Variants in GRIN2B observed in about 807,000 individuals in gnomAD.
The protein encoded by GRIN2B is glutamate ionotropic receptor NMDA type subunit 2B.
In GRIN2B, 5 loss-of-function variants were observed where a neutral mutation model predicts 114.5. The observed-to-expected ratio is 0.04, with a 90% CI of 0.02 to 0.09. The LOEUF (loss-of-function observed/expected upper bound fraction) is 0.09, where lower values mean the gene tolerates loss of function less well. Ranked by LOEUF, GRIN2B falls within the 10% of genes least tolerant of loss-of-function variation. The pLI, the probability that GRIN2B is intolerant of heterozygous loss-of-function variation, is 1.00. For missense variants in GRIN2B, 1,108 were observed against 1,943.5 expected (o/e 0.57, Z 8.08); for synonymous variants, 787 against 745.1 (o/e 1.06, Z -0.92).
At chr12:13,762,129 G>A (rs777861513) in intron 3 of GRIN2B, among the ~76,000 whole-genome samples, 11 of 152,058 alleles carry the variant, frequency 7.2e-5, no homozygotes, top group Non-Finnish European at 1.5e-4. Flanking sequence ...TCAGCCTCCT[G>A]AGTAGCTGGG....
intron 2 of GRIN2B, among the ~76,000 whole-genome samples, chr12:13,937,329 T>A (rs1463258768): frequency 6.6e-6 from 1 of 151,730 alleles, no homozygotes; most frequent in African/African-American, 2.4e-5. Flanking sequence ...CCAAGAAGGA[T>A]AAATAAAGGG....
chr12:13,916,621 G>A (rs973464051), intron 2 of GRIN2B, among the ~76,000 whole-genome samples: 1 of 151,870 alleles, frequency 6.6e-6, no homozygotes, highest in Non-Finnish European at 1.5e-5. Flanking sequence ...AGCCAAGATA[G>A]GAGGATCTCT....
intron 5 of GRIN2B, among the ~76,000 whole-genome samples, chr12:13,667,622 G>A (rs568307157): frequency 5.3e-5 from 8 of 152,138 alleles, no homozygotes; most frequent in Admixed American, 1.3e-4. Context: ...TGTAATATTC[G>A]GCATTAAGTT....
At chr12:13,916,713 A>ACT in intron 2 of GRIN2B, among the ~76,000 whole-genome samples, 1 of 48,104 alleles carries the variant, frequency 2.1e-5, no homozygotes. Context: ...ATATACATAT[A>ACT]CACACACACA....
At chr12:13,838,671 C>G (rs966246954) in intron 3 of GRIN2B, among the ~76,000 whole-genome samples, 2 of 152,136 alleles carry the variant, frequency 1.3e-5, no homozygotes, top group African/African-American at 4.8e-5. Flanking sequence ...CTCATTCCAT[C>G]AGCAGTCACT....
intron 4 of GRIN2B, among the ~76,000 whole-genome samples, chr12:13,743,832 A>C (rs926164463): frequency 6.6e-6 from 1 of 152,198 alleles, no homozygotes; most frequent in Non-Finnish European, 1.5e-5. Flanking sequence ...ATGAACAACG[A>C]AATTTTTGAT....
intron 2 of GRIN2B, among the ~76,000 whole-genome samples, chr12:13,890,821 G>T (rs989375855): frequency 6.6e-6 from 1 of 152,108 alleles, no homozygotes; most frequent in South Asian, 2.1e-4. Context: ...CTTCAGAGAA[G>T]GCAGAGTCCT....
At chr12:13,595,438 A>C (rs1949059217) in intron 10 of GRIN2B, among the ~76,000 whole-genome samples, 1 of 152,298 alleles carries the variant, frequency 6.6e-6, no homozygotes, top group East Asian at 1.9e-4. Context: ...GACCACAGGG[A>C]TATTTAAGAA....
At chr12:13,600,884 C>T (rs1805517) in intron 10 of GRIN2B, among the ~76,000 whole-genome samples, 1 of 152,144 alleles carries the variant, frequency 6.6e-6, no homozygotes, top group South Asian at 2.1e-4. Flanking sequence ...CAATGACACT[C>T]AGGTTTTGTA....
Position 13,625,240 on chromosome 12 carries a change from C to T in GRIN2B, c.1126-8583G>A, listed in dbSNP as rs368523199. 1.1e-3 allele frequency among the ~76,000 whole-genome samples: 164 copies of T among 152,298 alleles called. 2 individuals are homozygous for T. In the South Asian group the frequency reaches 0.014, roughly 13 times the overall value. Reference sequence around the variant, plus strand: ...CTAGCAGCTCATATTTTTTTCACCACGCTATGTTACCAAGAGAATATTTAT... The same window carrying T: ...CTAGCAGCTCATATTTTTTTCACCATGCTATGTTACCAAGAGAATATTTAT... On this transcript the variant is annotated intron_variant, in intron 5 of 13. Coordinates refer to ENST00000609686, the MANE Select transcript of GRIN2B (RefSeq NM_000834.5).
intron 2 of GRIN2B, among the ~76,000 whole-genome samples, chr12:13,898,592 CCTGGCACATTCTCT>C (rs1268267017): frequency 1.3e-5 from 2 of 152,178 alleles, no homozygotes; most frequent in Admixed American, 1.3e-4. Context: ...TGTTACATTT[CCTGGCACATTCTCT>C]AGTGCAAAAA....
At position 13,866,111 on chromosome 12, in the gene GRIN2B, G is replaced by C. The variant is rs1473153170; in HGVS notation, c.98C>G (p.Pro33Arg). 6 of 1,613,718 alleles carry C rather than the reference G, an allele frequency of 3.7e-6. No homozygotes were observed. Among genetic ancestry groups the C allele is most frequent in the Non-Finnish European group, 5.1e-6 (6 of 1,179,928 alleles). Residue 33 changes from proline (P) to arginine (R), a missense_variant, in exon 3 of 14, where the codon CCC becomes CGC. Coordinates refer to ENST00000609686, the MANE Select transcript of GRIN2B (RefSeq NM_000834.5). Reference protein sequence around the residue: ...GSRARSQKSPPSIGIAVILVG... With the variant: ...GSRARSQKSPRSIGIAVILVG... ...GAGGATGACAGCAATGCCAATGCTG[G>C]GGGGGCTCTTCTGAGAACGAGCTCT...
intron 3 of GRIN2B, among the ~76,000 whole-genome samples, chr12:13,856,352 G>C (rs1293678016): frequency 1.3e-5 from 2 of 152,150 alleles, no homozygotes; most frequent in Non-Finnish European, 2.9e-5. Context: ...GCTGAAGGAA[G>C]CCAGGGCGGT....
intron 5 of GRIN2B, among the ~76,000 whole-genome samples, chr12:13,635,428 C>T (rs1949658484): frequency 6.6e-6 from 1 of 152,124 alleles, no homozygotes; most frequent in Non-Finnish European, 1.5e-5. Flanking sequence ...TCCCAGACAC[C>T]ATGTTACTAG....
intron 2 of GRIN2B, among the ~76,000 whole-genome samples, chr12:13,900,307 C>A (rs1326264322): frequency 6.6e-6 from 1 of 151,914 alleles, no homozygotes; most frequent in East Asian, 1.9e-4. Context: ...AACCCCGTCT[C>A]GACTGAAAAT....
chr12:13,764,872 T>C (rs1223568850), intron 3 of GRIN2B, among the ~76,000 whole-genome samples: 1 of 152,246 alleles, frequency 6.6e-6, no homozygotes, highest in African/African-American at 2.4e-5. Flanking sequence ...CGTCAGACTC[T>C]GGAGTACACA....
chr12:13,802,983 C>T lies in GRIN2B; in HGVS notation c.412-49068G>A, dbSNP rs370853202. On this transcript the variant is annotated intron_variant, in intron 3 of 13. Transcript: ENST00000609686. ...TCTGCCACTCCTGAAACAGCAAGAA[C>T]GACCTCTTCTCTTCCTCCTCCTCCT... Among the ~76,000 whole-genome samples the T allele has an allele frequency of 9.3e-3, 1,168 of 125,546 alleles. 24 individuals are homozygous for T. Among genetic ancestry groups the T allele is most frequent in the African/African-American group, 0.036 (1,129 of 31,330 alleles). 82.4% of individuals were successfully genotyped at this position (125,546 alleles called of 152,430 possible).
chr12:13,895,349 G>A (rs567620231), intron 2 of GRIN2B, among the ~76,000 whole-genome samples: 4 of 152,234 alleles, frequency 2.6e-5, no homozygotes, highest in Non-Finnish European at 2.9e-5. Flanking sequence ...CTTACCCTAC[G>A]CAGGAAATAA....
intron 5 of GRIN2B, among the ~76,000 whole-genome samples, chr12:13,661,142 G>A (rs1949918823): frequency 6.6e-6 from 1 of 151,944 alleles, no homozygotes; most frequent in African/African-American, 2.4e-5. Flanking sequence ...TTTCTCTGTT[G>A]AAGCCTTCCT....
Sources: allele counts gnomAD v4.1 joint callset (sites outside exome capture counted in the v4.1 genomes callset), GRCh38; gene constraint gnomAD v4.1.1; transcripts MANE v1.5; gene names NCBI Gene and HGNC (gene_info 2026-07-23, HGNC 2026-07-21).